Variants in RELN observed in about 807,000 individuals in gnomAD.
RELN encodes reelin.
In RELN, 108 loss-of-function variants were observed where a neutral mutation model predicts 427.6. That is an observed-to-expected ratio of 0.25 (90% CI 0.22 to 0.30). RELN has a LOEUF of 0.30. Ranked by LOEUF, RELN falls within the 10% of genes least tolerant of loss-of-function variation. The pLI, the probability that RELN is intolerant of heterozygous loss-of-function variation, is 1.00. For missense variants in RELN, 3,715 were observed against 4,302.8 expected, an observed-to-expected ratio of 0.86 and a Z score of 3.82; for synonymous variants, 1,524 against 1,513.4, an observed-to-expected ratio of 1.01 and a Z score of -0.16.
At chr7:103,541,353 T>C (rs1830174283) in intron 43 of RELN, among the ~76,000 whole-genome samples, 1 of 152,236 alleles carries the variant, frequency 6.6e-6, no homozygotes. Flanking sequence ...TACCCACTAA[T>C]GTATGCATGC....
At chr7:103,530,823 T>G (rs1829922120) in intron 46 of RELN, among the ~76,000 whole-genome samples, 1 of 152,218 alleles carries the variant, frequency 6.6e-6, no homozygotes, top group Admixed American at 6.5e-5. Flanking sequence ...TCATCTCCCA[T>G]TTCTTGATAC....
intron 20 of RELN, among the ~76,000 whole-genome samples, chr7:103,613,919 C>T (rs1316903815): frequency 6.6e-6 from 1 of 152,104 alleles, no homozygotes; most frequent in Non-Finnish European, 1.5e-5. Flanking sequence ...GTTTCGTGTC[C>T]TCATAATTCT....
chr7:103,846,551 G>A (rs1175850784), intron 2 of RELN, among the ~76,000 whole-genome samples: 5 of 152,028 alleles, frequency 3.3e-5, no homozygotes, highest in Admixed American at 1.3e-4. Flanking sequence ...CAAAAGCAAC[G>A]GCAACAAAAG....
intron 19 of RELN, 137 bp downstream of exon 19, chr7:103,635,288 C>T: frequency 2.3e-6 from 2 of 861,172 alleles, no homozygotes; most frequent in Non-Finnish European, 3.5e-6. Context: ...GGTAGTTTTT[C>T]ACTGCAAGAC....
intron 46 of RELN, among the ~76,000 whole-genome samples, chr7:103,524,042 T>G (rs1172524573): frequency 6.6e-6 from 1 of 152,294 alleles, no homozygotes; most frequent in East Asian, 1.9e-4. Flanking sequence ...CAAACTGTGA[T>G]AGTTTGATCA....
At chr7:103,592,537 T>G (rs1054886978) in intron 27 of RELN, among the ~76,000 whole-genome samples, 1 of 152,174 alleles carries the variant, frequency 6.6e-6, no homozygotes, top group Admixed American at 6.6e-5. Flanking sequence ...CTTCTTTGAG[T>G]ATATACCTAA....
chr7:103,586,290 G>A lies in RELN; in HGVS notation c.4145+3306C>T, dbSNP rs1335181935. 2.0e-5 allele frequency among the ~76,000 whole-genome samples: 3 copies of A among 152,158 alleles called. No individual in the cohort carries two copies. The East Asian group carries it at 5.8e-4, about 29-fold the overall frequency. On this transcript the variant is annotated intron_variant, in intron 28 of 64. Transcript: ENST00000428762. ...AGGCAGGAGAATTGCTTGAACCTGG[G>A]AGGCGGAGGTTGCAGTGAGCAGAGA... is the stretch of plus-strand genomic sequence containing the variant.
At chr7:103,972,388 G>A (rs1275056264) in intron 1 of RELN, among the ~76,000 whole-genome samples, 1 of 152,230 alleles carries the variant, frequency 6.6e-6, no homozygotes, top group Admixed American at 6.5e-5. Context: ...TGCGCTGGAA[G>A]AGCTTGGTCC....
rs186428907 is a variant in RELN at position 103,853,648 on chromosome 7, A to T, written c.338-19976T>A. 2.0e-3 allele frequency among the ~76,000 whole-genome samples: 309 copies of T among 151,848 alleles called. 2 individuals are homozygous for T. The highest frequency in any genetic ancestry group is 6.5e-3 in the African/African-American group (269 of 41,454). Reference sequence around the variant, plus strand: ...AAGAACAGCAAATAATTTTTTTTTTAAATTCATTTATATACCTCTACCTAT... The same window carrying T: ...AAGAACAGCAAATAATTTTTTTTTTTAATTCATTTATATACCTCTACCTAT... On this transcript the variant is annotated intron_variant, in intron 2 of 64. Coordinates refer to ENST00000428762, the MANE Select transcript of RELN (RefSeq NM_005045.4).
rs532374484 is a variant in RELN, at chr7:103,558,080, T to C, written c.5530-31A>G. 22 of 1,055,598 alleles carry C rather than the reference T, an allele frequency of 2.1e-5. No individual in the cohort carries two copies. The East Asian group carries it at 4.3e-4, about 21-fold the overall frequency. The allele number at this position is 1,055,598 out of a possible 1,614,324, so 65.4% of individuals were successfully genotyped here. ...AATAAAAACATATACGTTAAGCAAC[T>C]TTTTTTCACTTGCAAAATTGTATCC... On this transcript the variant is annotated intron_variant, in intron 36 of 64. Transcript: ENST00000428762.
chr7:103,878,011 A>AC (rs1471073772), intron 2 of RELN, among the ~76,000 whole-genome samples: 2 of 151,754 alleles, frequency 1.3e-5, no homozygotes, highest in Non-Finnish European at 2.9e-5. Flanking sequence ...ATGCACCAAC[A>AC]CGCCCAGCTA....
At chr7:103,599,434 T>C (rs1405228637) in intron 24 of RELN, among the ~76,000 whole-genome samples, 5 of 152,268 alleles carry the variant, frequency 3.3e-5, no homozygotes, top group African/African-American at 1.2e-4. Flanking sequence ...ACTTATTAAT[T>C]TTCCAATCTA....
At chr7:103,680,059 G>A (rs960436063) in intron 11 of RELN, among the ~76,000 whole-genome samples, 1 of 152,150 alleles carries the variant, frequency 6.6e-6, no homozygotes, top group Non-Finnish European at 1.5e-5. Context: ...GGCATTTTGG[G>A]AGAGAGAACA....
intron 22 of RELN, among the ~76,000 whole-genome samples, chr7:103,606,057 A>G (rs930586956): frequency 1.3e-5 from 2 of 152,230 alleles, no homozygotes; most frequent in Non-Finnish European, 2.9e-5. Flanking sequence ...AGCCTACTAT[A>G]AAAGTAGATG....
intron 48 of RELN, 81 bp downstream of exon 48, chr7:103,521,941 C>CA: frequency 7.1e-7 from 1 of 1,404,964 alleles, no homozygotes. Flanking sequence ...TTGATTTGCC[C>CA]ATTAAACTTC....
rs1373368301 is a variant in RELN, at chr7:103,807,930, G to A, written c.473+25607C>T. 2.0e-5 allele frequency among the ~76,000 whole-genome samples: 3 copies of A among 152,106 alleles called. No homozygotes were observed. In the East Asian group the frequency reaches 5.8e-4, roughly 29 times the overall value. ...TCATCCCACCAGCAGAAGACTGTAAGTTTATTCTCCAGAGACACTAGGCAC... is the reference window on the plus strand; with the variant it reads ...TCATCCCACCAGCAGAAGACTGTAAATTTATTCTCCAGAGACACTAGGCAC... On this transcript the variant is annotated intron_variant, in intron 3 of 64. Coordinates refer to ENST00000428762, the MANE Select transcript of RELN (RefSeq NM_005045.4).
intron 2 of RELN, among the ~76,000 whole-genome samples, chr7:103,885,548 T>G (rs914576518): frequency 2.6e-5 from 4 of 151,882 alleles, no homozygotes; most frequent in African/African-American, 9.7e-5. Context: ...TGAGAACACA[T>G]GGACACAAGG....
intron 20 of RELN, among the ~76,000 whole-genome samples, chr7:103,618,267 T>C (rs1734963872): frequency 6.6e-6 from 1 of 152,238 alleles, no homozygotes; most frequent in African/African-American, 2.4e-5. Context: ...GAACAGGTTT[T>C]CCATGATGGT....
At chr7:103,613,174 C>A (rs1831999891) in intron 20 of RELN, among the ~76,000 whole-genome samples, 1 of 152,132 alleles carries the variant, frequency 6.6e-6, no homozygotes. Context: ...GAAAATGGGG[C>A]TAGTAAATGG....
Sources: allele counts gnomAD v4.1 joint callset (sites outside exome capture counted in the v4.1 genomes callset), GRCh38; gene constraint gnomAD v4.1.1; transcripts MANE v1.5; gene names NCBI Gene and HGNC (gene_info 2026-07-23, HGNC 2026-07-21).